TBC1D19: variants seen among roughly 807,000 people sequenced by gnomAD.
TBC1D19 encodes TBC1 domain family member 19.
In TBC1D19, 60 loss-of-function variants were observed where a neutral mutation model predicts 89.0. That is an observed-to-expected ratio of 0.67 (90% CI 0.55 to 0.84). The LOEUF is 0.84. Ranked by LOEUF, TBC1D19 falls within the 40% of genes least tolerant of loss-of-function variation. The probability of loss-of-function intolerance (pLI) is 0.00; values close to 1 mark genes in which losing one functional copy is unlikely to be tolerated. For synonymous variants in TBC1D19, 189 were observed against 199.7 expected, an observed-to-expected ratio of 0.95 and a Z score of 0.45; for missense variants, 500 against 610.8, an observed-to-expected ratio of 0.82 and a Z score of 1.91.
intron 1 of TBC1D19, among the ~76,000 whole-genome samples, chr4:26,595,983 G>A (rs991157926): frequency 6.6e-6 from 1 of 152,028 alleles, no homozygotes; most frequent in Non-Finnish European, 1.5e-5. Context: ...TTGAGAGAGA[G>A]TGTCACTTTG....
chr4:26,624,316 T>G (rs1742250119), intron 4 of TBC1D19, among the ~76,000 whole-genome samples: 1 of 152,214 alleles, frequency 6.6e-6, no homozygotes, highest in Non-Finnish European at 1.5e-5. Context: ...CTCTGTTGAA[T>G]AGCTCCCTGT....
At chr4:26,606,335 G>A (rs1022182367) in intron 1 of TBC1D19, among the ~76,000 whole-genome samples, 1 of 152,278 alleles carries the variant, frequency 6.6e-6, no homozygotes, top group Admixed American at 6.5e-5. Flanking sequence ...TATATGAAGA[G>A]AACTTGAAGA....
chr4:26,696,304 GCTAA>G (rs1714774415), intron 13 of TBC1D19, among the ~76,000 whole-genome samples: 4 of 152,334 alleles, frequency 2.6e-5, no homozygotes, highest in East Asian at 3.9e-4. Context: ...AACAAGAAGA[GCTAA>G]CTGTCTTAAA....
intron 1 of TBC1D19, among the ~76,000 whole-genome samples, chr4:26,577,722 C>G (rs962400034): frequency 1.3e-5 from 2 of 152,166 alleles, no homozygotes; most frequent in Non-Finnish European, 2.9e-5. Context: ...AAGGGAATGG[C>G]TGTGGGCCAC....
Position 26,637,135 on chromosome 4 carries a change from T to G in TBC1D19, c.295-76T>G, listed in dbSNP as rs1042574494. 3 of 1,045,280 alleles carry G rather than the reference T, an allele frequency of 2.9e-6. No individual in the cohort carries two copies. In the Admixed American group the frequency reaches 6.5e-5, roughly 23 times the overall value. The allele number at this position is 1,045,280 out of a possible 1,614,324, so 64.8% of individuals were successfully genotyped here. On this transcript the variant is annotated intron_variant, in intron 4 of 20. Transcript: ENST00000264866. ...ACCAGCCTTACCATTTCTATATAAT[T>G]TGTAATATCTTTAATTTTTTTATTA... is the stretch of plus-strand genomic sequence containing the variant.
intron 1 of TBC1D19, among the ~76,000 whole-genome samples, chr4:26,588,479 C>T (rs2109940226): frequency 6.6e-6 from 1 of 151,974 alleles, no homozygotes; most frequent in East Asian, 1.9e-4. Flanking sequence ...ATTTAATTTG[C>T]ATTTTTAAAG....
chr4:26,799,674 T>C, the TBC1D19 span, among the ~76,000 whole-genome samples: 2 of 152,196 alleles, frequency 1.3e-5, no homozygotes, highest in African/African-American at 2.4e-5. Context: ...ACTTCTGCCA[T>C]GTGAGGACAC....
At chr4:26,763,628 T>C in the TBC1D19 span, among the ~76,000 whole-genome samples, 5 of 152,296 alleles carry the variant, frequency 3.3e-5, no homozygotes, top group East Asian at 9.6e-4. Flanking sequence ...CCCAACAACC[T>C]TGGGCACATG....
At chr4:26,801,488 C>T in the TBC1D19 span, among the ~76,000 whole-genome samples, 17 of 152,178 alleles carry the variant, frequency 1.1e-4, no homozygotes, top group South Asian at 2.1e-4. Flanking sequence ...CTTGGTGATG[C>T]GGGCTCTTTT....
the TBC1D19 span, among the ~76,000 whole-genome samples, chr4:26,798,087 TAATC>T: frequency 1.3e-5 from 2 of 151,988 alleles, no homozygotes; most frequent in African/African-American, 4.8e-5. Flanking sequence ...ACAAAATAAA[TAATC>T]AGCAGAGTAA....
the TBC1D19 span, among the ~76,000 whole-genome samples, chr4:26,782,497 G>T: frequency 6.6e-6 from 1 of 152,142 alleles, no homozygotes; most frequent in Non-Finnish European, 1.5e-5. Flanking sequence ...CTTGAAAGTT[G>T]TCAGCAGCCA....
the TBC1D19 span, among the ~76,000 whole-genome samples, chr4:26,822,108 G>A: frequency 6.6e-6 from 1 of 152,204 alleles, no homozygotes; most frequent in Non-Finnish European, 1.5e-5. Context: ...CATTTGTGAT[G>A]ACATTAGCCA....
chr4:26,719,779 T>G (rs1027379188), intron 14 of TBC1D19, among the ~76,000 whole-genome samples: 4 of 152,096 alleles, frequency 2.6e-5, no homozygotes, highest in Non-Finnish European at 4.4e-5. Flanking sequence ...CAAAACAATT[T>G]TATGCATAAT....
intron 7 of TBC1D19, among the ~76,000 whole-genome samples, chr4:26,644,330 T>C (rs1267802493): frequency 2.0e-5 from 3 of 152,334 alleles, no homozygotes; most frequent in Non-Finnish European, 4.4e-5. Context: ...AATCACATGA[T>C]TATCTCAATA....
At chr4:26,835,656 C>T in the TBC1D19 span, among the ~76,000 whole-genome samples, 5 of 152,184 alleles carry the variant, frequency 3.3e-5, no homozygotes, top group Non-Finnish European at 5.9e-5. Context: ...AACCTAGTCT[C>T]AGCCACTATT....
At chr4:26,781,597 C>G in the TBC1D19 span, among the ~76,000 whole-genome samples, 3 of 152,262 alleles carry the variant, frequency 2.0e-5, no homozygotes, top group South Asian at 2.1e-4. Context: ...TTAAGTGGTT[C>G]TAGGTTTAAA....
the TBC1D19 span, among the ~76,000 whole-genome samples, chr4:26,775,949 A>C: frequency 6.6e-6 from 1 of 152,152 alleles, no homozygotes; most frequent in African/African-American, 2.4e-5. Flanking sequence ...ATTGAGGTTC[A>C]AGGTTTCCCA....
At chr4:26,842,105 A>C in the TBC1D19 span, among the ~76,000 whole-genome samples, 2 of 151,926 alleles carry the variant, frequency 1.3e-5, no homozygotes, top group African/African-American at 4.8e-5. Context: ...AAGGCCACCA[A>C]ATTTTTATTT....
chr4:26,693,490 T>G (rs753818288), intron 13 of TBC1D19, among the ~76,000 whole-genome samples: 1 of 152,092 alleles, frequency 6.6e-6, no homozygotes, highest in Non-Finnish European at 1.5e-5. Context: ...GCCCAGGAAT[T>G]TGGGACCAGC....
Sources: gnomAD v4.1 joint callset for allele counts (sites outside exome capture counted in the v4.1 genomes callset) on GRCh38, gnomAD v4.1.1 for gene constraint, MANE v1.5 for transcripts, NCBI Gene and HGNC (gene_info 2026-07-23, HGNC 2026-07-21) for gene names.